Variants in HHLA2 observed in about 807,000 individuals in gnomAD.
The protein encoded by HHLA2 is HERV-H LTR-associating protein 2.
HHLA2 carries 48 observed loss-of-function variants against 45.9 expected under a neutral mutation model. The observed-to-expected ratio is 1.05, with a 90% confidence interval of 0.83 to 1.33. The LOEUF (loss-of-function observed/expected upper bound fraction) is 1.33. Among genes scored for constraint, HHLA2 ranks in the 40% most tolerant of loss-of-function variants. The probability of loss-of-function intolerance (pLI) is 0.00; values close to 1 mark genes in which losing one functional copy is unlikely to be tolerated. For synonymous variants in HHLA2, 161 were observed against 173.9 expected (o/e 0.93, Z 0.59); for missense variants, 462 against 494.3 (o/e 0.93, Z 0.62).
At chr3:108,308,998 A>G (rs760043262) in intron 1 of HHLA2, among the ~76,000 whole-genome samples, 1 of 152,048 alleles carries the variant, frequency 6.6e-6, no homozygotes, top group Non-Finnish European at 1.5e-5. Flanking sequence ...TGCTATGCGG[A>G]AGCTTTTTAA....
At chr3:108,301,720 AC>A (rs775609655) in intron 1 of HHLA2, among the ~76,000 whole-genome samples, 29 of 152,150 alleles carry the variant, frequency 1.9e-4, no homozygotes, top group Admixed American at 2.6e-4. Flanking sequence ...TAAGGATTCT[AC>A]CCCTTTCTCC....
chr3:108,331,906 G>A (rs572642841), intron 3 of HHLA2, among the ~76,000 whole-genome samples: 2 of 152,092 alleles, frequency 1.3e-5, no homozygotes, highest in South Asian at 4.2e-4. Context: ...ACACTCTCAT[G>A]CTTTTGAAAC....
At chr3:108,339,029 A>G (rs1576138589) in intron 3 of HHLA2, among the ~76,000 whole-genome samples, 1 of 152,218 alleles carries the variant, frequency 6.6e-6, no homozygotes, top group East Asian at 1.9e-4. Context: ...AAAGTAAAAG[A>G]GGCTACTGTT....
intron 3 of HHLA2, among the ~76,000 whole-genome samples, chr3:108,336,029 G>A (rs1237908826): frequency 2.0e-5 from 3 of 151,778 alleles, no homozygotes; most frequent in Admixed American, 6.6e-5. Context: ...CTTCCTCCCT[G>A]TTGTGCCCCT....
At chr3:108,372,760 C>T (rs2082202736) in intron 8 of HHLA2, among the ~76,000 whole-genome samples, 3 of 152,338 alleles carry the variant, frequency 2.0e-5, no homozygotes, top group Non-Finnish European at 4.4e-5. Context: ...CACATACACT[C>T]TCCCAAGACT....
chr3:108,351,735 T>C, intron 3 of HHLA2, 53 bp from the exon 3 acceptor site: 1 of 1,114,744 alleles, frequency 9.0e-7, no homozygotes, highest in South Asian at 1.4e-5. Flanking sequence ...TCTTTTCCAA[T>C]TCCCTTTTGC....
At chr3:108,366,954 T>A (rs1249949240) in intron 8 of HHLA2, among the ~76,000 whole-genome samples, 1 of 152,112 alleles carries the variant, frequency 6.6e-6, no homozygotes, top group Non-Finnish European at 1.5e-5. Context: ...ATACAGGAGA[T>A]CTCCAGCTGG....
chr3:108,316,273 A>G (rs1022765744), intron 2 of HHLA2, among the ~76,000 whole-genome samples: 3 of 152,174 alleles, frequency 2.0e-5, no homozygotes, highest in Admixed American at 6.5e-5. Flanking sequence ...CTGGTTAAAA[A>G]CAAGTACTAA....
At position 108,320,867 on chromosome 3, in the gene HHLA2, G is replaced by C. The variant is rs189180020; in HGVS notation, c.-104-7403G>C. Among the ~76,000 whole-genome samples, 400 of 152,124 alleles carry C rather than the reference G, an allele frequency of 2.6e-3. 4 individuals carry two copies. The highest frequency in any genetic ancestry group is 9.2e-3 in the African/African-American group (383 of 41,498). On this transcript the variant is annotated intron_variant, in intron 2 of 10. Transcript: ENST00000619531. ...GTAATGCAAAGCAGGTACTAACCACGTGATCAGTGGGAGTGGCATGAATTA... is the reference window on the plus strand; with the variant it reads ...GTAATGCAAAGCAGGTACTAACCACCTGATCAGTGGGAGTGGCATGAATTA...
intron 7 of HHLA2, among the ~76,000 whole-genome samples, chr3:108,359,304 G>A (rs2081950692): frequency 6.6e-6 from 1 of 152,020 alleles, no homozygotes; most frequent in Non-Finnish European, 1.5e-5. Context: ...TGACAAAAGA[G>A]TATTTTCAGA....
At chr3:108,350,497 C>CT (rs2081757595) in intron 3 of HHLA2, among the ~76,000 whole-genome samples, 1 of 152,000 alleles carries the variant, frequency 6.6e-6, no homozygotes, top group South Asian at 2.1e-4. Context: ...TCTAATTTTA[C>CT]TTTTTTAAAA....
At chr3:108,341,455 T>C (rs184916943) in intron 3 of HHLA2, among the ~76,000 whole-genome samples, 1 of 152,312 alleles carries the variant, frequency 6.6e-6, no homozygotes. Flanking sequence ...TAACGTTTGT[T>C]TTAGCTTCAA....
intron 1 of HHLA2, among the ~76,000 whole-genome samples, chr3:108,300,312 A>G (rs1560175431): frequency 6.6e-6 from 1 of 152,120 alleles, no homozygotes; most frequent in Admixed American, 6.6e-5. Flanking sequence ...ATTCAAGGAC[A>G]ACCTGCCATG....
At chr3:108,327,108 T>C (rs144583556) in intron 2 of HHLA2, among the ~76,000 whole-genome samples, 40 of 152,294 alleles carry the variant, frequency 2.6e-4, no homozygotes, top group African/African-American at 9.4e-4. Context: ...GGGGTTGCAA[T>C]TTTGGGTTGG....
At chr3:108,316,596 G>C (rs2081106937) in intron 2 of HHLA2, among the ~76,000 whole-genome samples, 1 of 152,132 alleles carries the variant, frequency 6.6e-6, no homozygotes, top group Non-Finnish European at 1.5e-5. Context: ...CCTTGGAAGA[G>C]AAGGGCCCAG....
intron 5 of HHLA2, 115 bp from the exon 5 acceptor site, chr3:108,355,000 T>C (rs2081858089): frequency 1.8e-6 from 2 of 1,088,962 alleles, no homozygotes; most frequent in Non-Finnish European, 2.6e-6. Flanking sequence ...CTGCCAAGTT[T>C]TGCTCATAAA....
In HHLA2 at chr3:108,360,939, AGAG is replaced by A. The variant is rs747600501; in HGVS notation, c.1004-1401_1004-1399del. Among the ~76,000 whole-genome samples, 89 of 152,336 alleles carry A rather than the reference AGAG, an allele frequency of 5.8e-4. 1 individual carries two copies. Among genetic ancestry groups the A allele is most frequent in the South Asian group, 4.1e-4 (2 of 4,826 alleles). On this transcript the variant is annotated intron_variant, in intron 7 of 10. Transcript: ENST00000619531. ...AGAAAATTACATTTGTTATGTAAAA[AGAG>A]GTATTCATTCTAAAGGATAGCCACA...
At chr3:108,338,227 G>T (rs1289938293) in intron 3 of HHLA2, among the ~76,000 whole-genome samples, 1 of 151,442 alleles carries the variant, frequency 6.6e-6, no homozygotes, top group Non-Finnish European at 1.5e-5. Context: ...TTGACATTCT[G>T]CCAGGTAGGA....
At chr3:108,364,765 CAT>C (rs1158173662) in intron 8 of HHLA2, among the ~76,000 whole-genome samples, 4 of 152,150 alleles carry the variant, frequency 2.6e-5, no homozygotes, top group Non-Finnish European at 5.9e-5. Context: ...TGCTCTTTTT[CAT>C]ATGTTTGTTG....
Sources: allele counts gnomAD v4.1 joint callset (sites outside exome capture counted in the v4.1 genomes callset), GRCh38; gene constraint gnomAD v4.1.1; transcripts MANE v1.5; gene names NCBI Gene and HGNC (gene_info 2026-07-23, HGNC 2026-07-21).